Variants in TANC2 observed in about 807,000 individuals in gnomAD.
The protein encoded by TANC2 is tetratricopeptide repeat, ankyrin repeat and coiled-coil containing 2.
A neutral mutation model predicts 210.5 loss-of-function variants in TANC2; 26 were observed. That is an observed-to-expected ratio of 0.12 (90% CI 0.09 to 0.17). The LOEUF (loss-of-function observed/expected upper bound fraction) is 0.17, where lower values mean the gene tolerates loss of function less well. TANC2 is among the 10% of genes least tolerant of loss of function. The pLI is 1.00. For missense variants in TANC2, 2,129 were observed against 2,608.9 expected (o/e 0.82, Z 4.01); for synonymous variants, 931 against 967.1 (o/e 0.96, Z 0.69).
chr17:63,346,038 T>A (rs1284691352), intron 12 of TANC2, among the ~76,000 whole-genome samples: 1 of 152,166 alleles, frequency 6.6e-6, no homozygotes, highest in Non-Finnish European at 1.5e-5. Flanking sequence ...ATTCTTGTCA[T>A]CAGATGGTAC....
At chr17:63,038,482 T>C (rs2035060694) in intron 2 of TANC2, among the ~76,000 whole-genome samples, 1 of 152,128 alleles carries the variant, frequency 6.6e-6, no homozygotes, top group Non-Finnish European at 1.5e-5. Context: ...GTAGTTTTCT[T>C]TTTTTGGTAA....
At chr17:63,088,260 T>C (rs1273233887) in intron 3 of TANC2, 1 of 152,150 alleles carries the variant, frequency 6.6e-6, no homozygotes, top group Non-Finnish European at 1.5e-5. Context: ...CAGTGTGACT[T>C]TTCATATCTT....
chr17:63,055,984 AAAAAAAATATATATAT>A (rs1311968472), intron 2 of TANC2, among the ~76,000 whole-genome samples: 3 of 17,308 alleles, frequency 1.7e-4, no homozygotes, highest in East Asian at 4.4e-3. Flanking sequence ...AAAAAAAAAA[AAAAAAAATATATATAT>A]ATATATATAT....
At chr17:62,986,613 C>T (rs894353593) in intron 1 of TANC2, among the ~76,000 whole-genome samples, 1 of 151,756 alleles carries the variant, frequency 6.6e-6, no homozygotes, top group Non-Finnish European at 1.5e-5. Flanking sequence ...GAGGCTGTTT[C>T]TTAGACCTGA....
chr17:63,192,668 T>C (rs1335962995), intron 5 of TANC2, among the ~76,000 whole-genome samples: 1 of 152,228 alleles, frequency 6.6e-6, no homozygotes, highest in Non-Finnish European at 1.5e-5. Flanking sequence ...AATAATTTAA[T>C]GTATCTGTGC....
chr17:63,295,915 G>A (rs1401238467), intron 9 of TANC2, among the ~76,000 whole-genome samples: 6 of 152,108 alleles, frequency 3.9e-5, no homozygotes, highest in Non-Finnish European at 8.8e-5. Flanking sequence ...GCAGTCCTGG[G>A]TGAGGTTTAT....
intron 4 of TANC2, among the ~76,000 whole-genome samples, chr17:63,137,482 T>G (rs1007315465): frequency 1.3e-5 from 2 of 152,246 alleles, no homozygotes; most frequent in Non-Finnish European, 2.9e-5. Context: ...ATATCTTTTA[T>G]AGAAAAGAAT....
chr17:62,997,530 C>T (rs540529483), intron 1 of TANC2, among the ~76,000 whole-genome samples: 1 of 152,198 alleles, frequency 6.6e-6, no homozygotes, highest in South Asian at 2.1e-4. Context: ...CTCTGAAGGT[C>T]ATATCCAAAT....
At chr17:63,088,939 A>G (rs1352245251) in intron 3 of TANC2, 1 of 152,166 alleles carries the variant, frequency 6.6e-6, no homozygotes, top group Non-Finnish European at 1.5e-5. Context: ...GAATAACATT[A>G]GCACTCCTTT....
intron 1 of TANC2, among the ~76,000 whole-genome samples, chr17:62,985,566 T>G (rs1426544122): frequency 1.3e-5 from 2 of 152,172 alleles, no homozygotes; most frequent in African/African-American, 4.8e-5. Context: ...TTTTTTAAAA[T>G]TATTTATTGT....
intron 1 of TANC2, among the ~76,000 whole-genome samples, chr17:62,989,190 T>G (rs568182105): frequency 5.3e-5 from 8 of 152,326 alleles, no homozygotes; most frequent in African/African-American, 1.9e-4. Context: ...TGTTAACCTT[T>G]TAAAAAATTA....
chr17:63,121,750 C>G (rs958619768), intron 4 of TANC2, among the ~76,000 whole-genome samples: 1 of 152,058 alleles, frequency 6.6e-6, no homozygotes, highest in Non-Finnish European at 1.5e-5. Flanking sequence ...TATGTATTCC[C>G]CAGTTGAAGA....
chr17:63,102,308 T>G (rs955001514), intron 4 of TANC2, among the ~76,000 whole-genome samples: 1 of 151,294 alleles, frequency 6.6e-6, no homozygotes, highest in African/African-American at 2.4e-5. Context: ...AGCAAGACCC[T>G]GCCACTAAAA....
chr17:63,001,452 G>A (rs1169654278), intron 1 of TANC2, among the ~76,000 whole-genome samples: 1 of 151,446 alleles, frequency 6.6e-6, no homozygotes, highest in Non-Finnish European at 1.5e-5. Context: ...AAGAAATGTT[G>A]AGAGCCTACC....
intron 4 of TANC2, among the ~76,000 whole-genome samples, chr17:63,128,749 G>A: frequency 6.6e-6 from 1 of 152,140 alleles, no homozygotes; most frequent in East Asian, 1.9e-4. Flanking sequence ...GACCAAGTTT[G>A]GGAGAATCCT....
chr17:63,296,928 ACAT>A (rs571822807), intron 9 of TANC2, among the ~76,000 whole-genome samples: 24 of 152,316 alleles, frequency 1.6e-4, no homozygotes, highest in Middle Eastern at 3.4e-3. Flanking sequence ...GATCTGTGGA[ACAT>A]CATCAAGTTT....
At chr17:63,067,424 G>A (rs753280149) in intron 2 of TANC2, among the ~76,000 whole-genome samples, 4 of 151,892 alleles carry the variant, frequency 2.6e-5, no homozygotes, top group African/African-American at 9.7e-5. Flanking sequence ...ACATATTTCA[G>A]CCTGAAAAGT....
intron 3 of TANC2, among the ~76,000 whole-genome samples, chr17:63,079,019 C>T (rs2036671309): frequency 6.6e-6 from 1 of 152,110 alleles, no homozygotes; most frequent in Non-Finnish European, 1.5e-5. Context: ...TCTATTTCTC[C>T]TTGCAGTTCT....
At chr17:63,096,494 A>T (rs1471135898) in intron 3 of TANC2, among the ~76,000 whole-genome samples, 1 of 152,170 alleles carries the variant, frequency 6.6e-6, no homozygotes, top group Non-Finnish European at 1.5e-5. Flanking sequence ...TATAAGTGGA[A>T]TAATACAAAT....
Sources: gnomAD v4.1 joint callset for allele counts (sites outside exome capture counted in the v4.1 genomes callset) on GRCh38, gnomAD v4.1.1 for gene constraint, MANE v1.5 for transcripts, NCBI Gene and HGNC (gene_info 2026-07-23, HGNC 2026-07-21) for gene names.